GRIK2: variants seen among roughly 807,000 people sequenced by gnomAD.
The protein encoded by GRIK2 is glutamate receptor ionotropic, kainate 2.
GRIK2 carries 32 observed loss-of-function variants against 100.3 expected under a neutral mutation model. That is an observed-to-expected ratio of 0.32 (90% CI 0.24 to 0.43). The LOEUF is 0.43. Ranked by LOEUF, GRIK2 falls within the 20% of genes least tolerant of loss-of-function variation. GRIK2 has a pLI of 1.00. For missense variants in GRIK2, 843 were observed against 1,114.9 expected (o/e 0.76, Z 3.47); for synonymous variants, 417 against 389.4 (o/e 1.07, Z -0.83).
rs568517467 is a variant in GRIK2, at chr6:101,499,787, C to T, written c.115+100395C>T. 5.9e-5 allele frequency among the ~76,000 whole-genome samples: 9 copies of T among 152,012 alleles called. No homozygotes were observed. In the East Asian group the frequency reaches 1.2e-3, roughly 20 times the overall value. On this transcript the variant is annotated intron_variant, in intron 2 of 16. Transcript: ENST00000369134. ...TATTAGCTTAGTGTAAGCATATACG[C>T]GTTGTAAGATCCATTAGGGTGGGGA...
intron 2 of GRIK2, among the ~76,000 whole-genome samples, chr6:101,464,998 A>G (rs543184388): frequency 5.9e-4 from 90 of 152,296 alleles, no homozygotes; most frequent in African/African-American, 2.1e-3. Context: ...CTATTTTATC[A>G]TCTGCACCAC....
At chr6:101,910,799 A>G (rs1394084846) in intron 12 of GRIK2, among the ~76,000 whole-genome samples, 2 of 150,434 alleles carry the variant, frequency 1.3e-5, no homozygotes, top group African/African-American at 2.4e-5. Flanking sequence ...TTAGGTGACT[A>G]TAACTAAAGG....
intron 10 of GRIK2, among the ~76,000 whole-genome samples, chr6:101,826,858 T>C (rs2128426017): frequency 6.6e-6 from 1 of 152,140 alleles, no homozygotes; most frequent in East Asian, 1.9e-4. Flanking sequence ...TAAGATATAT[T>C]ACTCTGACAT....
intron 2 of GRIK2, among the ~76,000 whole-genome samples, chr6:101,403,330 C>A (rs569831461): frequency 6.6e-6 from 1 of 152,276 alleles, no homozygotes; most frequent in Non-Finnish European, 1.5e-5. Flanking sequence ...ATGTTTCGAC[C>A]TAACTTTTCT....
intron 7 of GRIK2, among the ~76,000 whole-genome samples, chr6:101,718,373 A>G (rs976241696): frequency 3.3e-5 from 5 of 151,936 alleles, no homozygotes; most frequent in African/African-American, 1.2e-4. Context: ...AAACACTTCT[A>G]TGGAAAAAGT....
chr6:101,864,381 A>T (rs1025355268), intron 11 of GRIK2, among the ~76,000 whole-genome samples: 15 of 152,178 alleles, frequency 9.9e-5, no homozygotes, highest in Non-Finnish European at 2.2e-4. Context: ...TCAGTGTATG[A>T]AAAGCTCCTG....
intron 2 of GRIK2, among the ~76,000 whole-genome samples, chr6:101,502,758 T>A (rs1773826639): frequency 6.6e-6 from 1 of 152,162 alleles, no homozygotes; most frequent in Non-Finnish European, 1.5e-5. Flanking sequence ...AAAGACCAAA[T>A]AAACAATTAC....
At chr6:101,785,848 T>C (rs904503376) in intron 7 of GRIK2, among the ~76,000 whole-genome samples, 2 of 152,130 alleles carry the variant, frequency 1.3e-5, no homozygotes, top group African/African-American at 2.4e-5. Flanking sequence ...TCTTTTCTAT[T>C]TCTGTGAAGA....
chr6:101,876,962 G>T (rs1240874338), intron 11 of GRIK2, among the ~76,000 whole-genome samples: 1 of 151,814 alleles, frequency 6.6e-6, no homozygotes, highest in African/African-American at 2.4e-5. Flanking sequence ...TGTCATAACA[G>T]GTGAAGTTGA....
intron 2 of GRIK2, among the ~76,000 whole-genome samples, chr6:101,479,457 A>G (rs946796901): frequency 2.0e-5 from 3 of 152,176 alleles, no homozygotes; most frequent in Non-Finnish European, 4.4e-5. Flanking sequence ...TATGTTTATA[A>G]ATAGTCCTAC....
chr6:101,643,411 G>A (rs1181120359), intron 4 of GRIK2, among the ~76,000 whole-genome samples: 1 of 151,252 alleles, frequency 6.6e-6, no homozygotes, highest in Non-Finnish European at 1.5e-5. Context: ...TGAAGAGTAA[G>A]AGTCCAACTT....
At chr6:101,723,033 C>T (rs1236983963) in intron 7 of GRIK2, among the ~76,000 whole-genome samples, 1 of 151,974 alleles carries the variant, frequency 6.6e-6, no homozygotes, top group Admixed American at 6.6e-5. Flanking sequence ...GAAAGTTGTG[C>T]TTAGTCATGC....
chr6:101,538,632 C>G (rs1775837294), intron 2 of GRIK2, among the ~76,000 whole-genome samples: 1 of 150,008 alleles, frequency 6.7e-6, no homozygotes, highest in Non-Finnish European at 1.5e-5. Context: ...TTAAATTCAA[C>G]CCTGCTTGTA....
chr6:101,724,482 A>G (rs1238631458), intron 7 of GRIK2, among the ~76,000 whole-genome samples: 1 of 151,836 alleles, frequency 6.6e-6, no homozygotes, highest in African/African-American at 2.4e-5. Flanking sequence ...TGCTTAGGAT[A>G]ATGACCTCTA....
chr6:101,824,236 C>G (rs1782164724), intron 10 of GRIK2, among the ~76,000 whole-genome samples: 1 of 152,128 alleles, frequency 6.6e-6, no homozygotes. Context: ...ACTCATCACC[C>G]AAGCAGTATA....
intron 7 of GRIK2, among the ~76,000 whole-genome samples, chr6:101,732,349 T>C (rs936185372): frequency 1.3e-5 from 2 of 152,068 alleles, no homozygotes; most frequent in African/African-American, 2.4e-5. Context: ...AATTAGATTA[T>C]ATTTTTAGGA....
chr6:101,769,946 C>T (rs533216801), intron 7 of GRIK2, among the ~76,000 whole-genome samples: 1 of 152,170 alleles, frequency 6.6e-6, no homozygotes, highest in African/African-American at 2.4e-5. Flanking sequence ...GTTAGACAGG[C>T]AGTTGCTGGG....
intron 2 of GRIK2, among the ~76,000 whole-genome samples, chr6:101,405,120 T>C (rs966458556): frequency 1.3e-5 from 2 of 152,168 alleles, no homozygotes; most frequent in Non-Finnish European, 2.9e-5. Context: ...GCTGACTAAA[T>C]AGAACGCCCT....
Position 101,682,534 on chromosome 6 carries a change from A to AT in GRIK2, c.724-19_724-18insT, listed in dbSNP as rs1771352212. On this transcript the variant is annotated intron_variant, in intron 5 of 16. Transcript: ENST00000369134. ...CTTTCCTGAAATATGTACCTTCAGT[A>AT]ATTTTTTTTTTTCCTTAGGCATTAG... 2 of 1,087,006 alleles carry AT rather than the reference A, an allele frequency of 1.8e-6. No individual in the cohort carries two copies. Among genetic ancestry groups the AT allele is most frequent in the Admixed American group, 1.8e-5 (1 of 54,652 alleles). 67.3% of individuals were successfully genotyped at this position (1,087,006 alleles called of 1,614,324 possible).
Sources: gnomAD v4.1 joint callset for allele counts (sites outside exome capture counted in the v4.1 genomes callset) on GRCh38, gnomAD v4.1.1 for gene constraint, MANE v1.5 for transcripts, NCBI Gene and HGNC (gene_info 2026-07-23, HGNC 2026-07-21) for gene names.